Variants in LIMA1 observed in about 807,000 individuals in gnomAD.
LIMA1 encodes LIM domain and actin-binding protein 1.
LIMA1 carries 52 observed loss-of-function variants against 62.6 expected under a neutral mutation model. The ratio of observed to expected loss-of-function variants is 0.83; its 90% CI spans 0.67 to 1.05. The LOEUF is 1.05. Ranked by LOEUF, LIMA1 falls within the 50% of genes least tolerant of loss-of-function variation. The pLI, the probability that LIMA1 is intolerant of heterozygous loss-of-function variation, is 0.00. For synonymous variants in LIMA1, 302 were observed against 317.8 expected, an observed-to-expected ratio of 0.95 and a Z score of 0.53; for missense variants, 780 against 902.2, an observed-to-expected ratio of 0.86 and a Z score of 1.74.
At position 50,177,406 on chromosome 12, in the gene LIMA1, C is replaced by G; in HGVS notation, c.1938G>C (p.Gly646=). ...TTTGCCAGGTTGTTTTTCCCACATT[C>G]CCATTCTTCTTAGAAGCCTTGGCAT... ...VENAKASKKN[G]NVGKTTWQNK... is the part of the protein sequence containing the mutation. Residue 646 remains glycine (G), a synonymous_variant, in exon 11 of 11, where the codon GGG becomes GGC. Transcript: ENST00000341247. The G allele has an allele frequency of 6.2e-7, 1 of 1,614,168 alleles. No homozygotes were observed.
rs756027943 is a variant in LIMA1, at chr12:50,222,073, G to A, written c.578C>T (p.Pro193Leu). Residue 193 changes from proline (P) to leucine (L), a missense_variant, in exon 4 of 11, where the codon CCG becomes CTG. Transcript: ENST00000341247. ...AAACATCATCTTAAGCCTGTTCAGC[G>A]GAACATTATATTTCTCTATTTTGCC... The part of the protein sequence containing the change: ...ASGKIEKYNV[P>L]LNRLKMMFEK... 1.2e-5 allele frequency: 20 copies of A among 1,613,904 alleles called. No homozygotes were observed. Among genetic ancestry groups the A allele is most frequent in the East Asian group, 2.2e-5 (1 of 44,896 alleles).
intron 1 of LIMA1, among the ~76,000 whole-genome samples, chr12:50,257,334 G>A (rs762605853): frequency 6.6e-6 from 1 of 152,166 alleles, no homozygotes; most frequent in Non-Finnish European, 1.5e-5. Context: ...CCTGAGCTCA[G>A]ATGATGTTGA....
intron 10 of LIMA1, among the ~76,000 whole-genome samples, chr12:50,180,495 GTCTC>G (rs1940474464): frequency 6.6e-6 from 1 of 151,814 alleles, no homozygotes; most frequent in Admixed American, 6.6e-5. Context: ...ACCAGATGGG[GTCTC>G]TCTATGTTAC....
chr12:50,217,304 G>C (rs1484872488), intron 4 of LIMA1, among the ~76,000 whole-genome samples: 1 of 151,978 alleles, frequency 6.6e-6, no homozygotes, highest in Non-Finnish European at 1.5e-5. Flanking sequence ...CTATTAAAGT[G>C]TTTCTCTCCA....
At position 50,177,472 on chromosome 12, in the gene LIMA1, C is replaced by A. The variant is rs1481437752; in HGVS notation, c.1872G>T (p.Glu624Asp). 1.2e-6 allele frequency: 2 copies of A among 1,613,986 alleles called. No homozygotes were observed. Among genetic ancestry groups the A allele is most frequent in the Non-Finnish European group, 1.7e-6 (2 of 1,180,034 alleles). ...KGWSMSEQSEESVGGRVAERK... is the reference protein window; with the variant it reads ...KGWSMSEQSEDSVGGRVAERK... The stretch of plus-strand genomic sequence containing the variant: ...TTTCTGCAACTCTTCCACCCACAGA[C>A]TCTTCACTCTGCTCTGACATGCTCC... The change falls in exon 11 of 11, where the codon GAG becomes GAT. Residue 624 changes from glutamate (E) to aspartate (D), a missense_variant. Transcript: ENST00000341247.
intron 8 of LIMA1, among the ~76,000 whole-genome samples, chr12:50,193,980 T>C (rs1038569193): frequency 6.0e-5 from 5 of 83,588 alleles, no homozygotes; most frequent in Non-Finnish European, 8.6e-5. Context: ...TATATATACA[T>C]ATATATATAT....
chr12:50,184,189 A>C (rs1940575216), intron 9 of LIMA1, among the ~76,000 whole-genome samples: 1 of 152,238 alleles, frequency 6.6e-6, no homozygotes. Flanking sequence ...ATTTAAATAT[A>C]ACCAAATGTT....
rs35654401 is a variant in LIMA1, at chr12:50,197,811, C to CTT, written c.973-1926_973-1925dup. ...TTTTTCTCTTAAAATTTCTTTCTTT[C>CTT]TTTTTTTTTTTTAACAGTATATAAG... On this transcript the variant is annotated intron_variant, in intron 7 of 10. Coordinates refer to ENST00000341247, the MANE Select transcript of LIMA1 (RefSeq NM_016357.5). 4.3e-3 allele frequency among the ~76,000 whole-genome samples: 637 copies of CTT among 147,676 alleles called. 2 individuals are homozygous for CTT. The highest frequency in any genetic ancestry group is 0.011 in the South Asian group (53 of 4,734).
Position 50,228,791 on chromosome 12 carries a change from C to T in LIMA1, c.165+2874G>A, listed in dbSNP as rs545795080. Among the ~76,000 whole-genome samples the T allele has an allele frequency of 4.6e-5, 7 of 152,284 alleles. No individual in the cohort carries two copies. The East Asian group carries it at 1.3e-3, about 29-fold the overall frequency. ...CAAAACTGAGCTTCTACTATTTCTC[C>T]CTCTCTAATCTGCTTTTACTGTAGT... On this transcript the variant is annotated intron_variant, in intron 3 of 10. Transcript: ENST00000341247.
At chr12:50,263,085 T>C (rs536584427) in intron 1 of LIMA1, among the ~76,000 whole-genome samples, 14 of 152,358 alleles carry the variant, frequency 9.2e-5, no homozygotes, top group Admixed American at 4.6e-4. Context: ...CGGCACAAAA[T>C]CATTGTGTTA....
intron 4 of LIMA1, among the ~76,000 whole-genome samples, chr12:50,214,601 G>A (rs1222913051): frequency 6.6e-6 from 1 of 152,250 alleles, no homozygotes. Context: ...AAGGTCAGGA[G>A]TTCAAGACCA....
chr12:50,250,438 A>T (rs1941914084), intron 1 of LIMA1, among the ~76,000 whole-genome samples: 1 of 151,728 alleles, frequency 6.6e-6, no homozygotes, highest in South Asian at 2.1e-4. Context: ...ACAAAAAATT[A>T]AAAATTAGCT....
intron 9 of LIMA1, among the ~76,000 whole-genome samples, chr12:50,190,682 ATTTTTT>A (rs762182699): frequency 2.3e-4 from 21 of 93,028 alleles, no homozygotes; most frequent in African/African-American, 8.9e-4. Flanking sequence ...ACCCGGCCTC[ATTTTTT>A]TTTTTTTTTT....
chr12:50,248,599 C>CAGAT, intron 2 of LIMA1, 34 bp downstream of exon 2: 1 of 1,314,336 alleles, frequency 7.6e-7, no homozygotes, highest in South Asian at 1.2e-5. Context: ...GTGCTCCAGA[C>CAGAT]AGATGGTCCT....
chr12:50,182,130 C>T (rs1940518880), intron 9 of LIMA1, 93 bp from the exon 10 acceptor site: 2 of 1,406,698 alleles, frequency 1.4e-6, no homozygotes, highest in Admixed American at 1.9e-5. Flanking sequence ...CTAAGGGCTC[C>T]CTTAGCTGGT....
intron 1 of LIMA1, chr12:50,256,407 T>A (rs1941998180): frequency 6.6e-6 from 1 of 152,190 alleles, no homozygotes; most frequent in South Asian, 2.1e-4. Flanking sequence ...AGAGTTCCCA[T>A]ATACATTTCA....
chr12:50,267,604 C>T (rs561876775), intron 1 of LIMA1, among the ~76,000 whole-genome samples: 1 of 152,012 alleles, frequency 6.6e-6, no homozygotes, highest in South Asian at 2.1e-4. Context: ...ACTACAACCT[C>T]CACTTCCTGG....
intron 3 of LIMA1, among the ~76,000 whole-genome samples, chr12:50,227,442 G>A (rs979963777): frequency 6.6e-6 from 1 of 151,918 alleles, no homozygotes; most frequent in African/African-American, 2.4e-5. Flanking sequence ...GTTTCACCAT[G>A]TTGGCTAAGC....
chr12:50,248,526 G>A lies in LIMA1; in HGVS notation c.119+107C>T, dbSNP rs552528006. 5.4e-4 allele frequency: 390 copies of A among 726,786 alleles called. 1 individual carries two copies. Among genetic ancestry groups the A allele is most frequent in the African/African-American group, 2.8e-3 (160 of 57,160 alleles). 45.0% of individuals were successfully genotyped at this position (726,786 alleles called of 1,614,324 possible). A position where few individuals can be genotyped will look rare whatever the true frequency, so the allele number is the denominator to read the frequency against. On this transcript the variant is annotated intron_variant, in intron 2 of 10. Coordinates refer to ENST00000341247, the MANE Select transcript of LIMA1 (RefSeq NM_016357.5). ...ATATAGTGTTTAAAATCCACGAGGCGCCCAATAAAATTATTTTACATTATG... is the reference window on the plus strand; with the variant it reads ...ATATAGTGTTTAAAATCCACGAGGCACCCAATAAAATTATTTTACATTATG...
Sources: allele counts gnomAD v4.1 joint callset (sites outside exome capture counted in the v4.1 genomes callset), GRCh38; gene constraint gnomAD v4.1.1; transcripts MANE v1.5; gene names NCBI Gene and HGNC (gene_info 2026-07-23, HGNC 2026-07-21).